The following TMEM11 variants were observed in gnomAD, a reference collection of about 807,000 sequenced individuals.
TMEM11 encodes transmembrane protein 11, mitochondrial.
In TMEM11, 1 loss-of-function variant was observed where a neutral mutation model predicts 17.0. That is an observed-to-expected ratio of 0.06 (90% CI 0.02 to 0.28). The LOEUF is 0.28. Ranked by LOEUF, TMEM11 falls within the 10% of genes least tolerant of loss-of-function variation. The probability of loss-of-function intolerance (pLI) is 1.00; values close to 1 mark genes in which losing one functional copy is unlikely to be tolerated. For synonymous variants in TMEM11, 122 were observed against 118.1 expected (o/e 1.03, Z -0.21); for missense variants, 172 against 252.9 (o/e 0.68, Z 2.17).
Position 21,198,130 on chromosome 17 carries a change from T to G in TMEM11, c.*194A>C. The stretch of plus-strand genomic sequence containing the variant: ...CACAGCCTCAGACCCCCCTCTTGGG[T>G]TATGGAAATCCACATCTTAGTGTAA... On this transcript the variant is annotated 3_prime_UTR_variant, in exon 2 of 2. Transcript: ENST00000317635. This position sits in a 1 kb window ranked among gnomAD's most constrained non-coding sequence, Gnocchi z 6.5. The G allele has an allele frequency of 1.5e-6, 1 of 683,250 alleles. No individual in the cohort carries two copies. The highest frequency in any genetic ancestry group is 2.4e-6 in the Non-Finnish European group (1 of 424,992). 42.3% of individuals were successfully genotyped at this position (683,250 alleles called of 1,614,324 possible). A position where few individuals can be genotyped will look rare whatever the true frequency, so the allele number is the denominator to read the frequency against.
At chr17:21,210,701 C>A (rs1974993474) in intron 1 of TMEM11, among the ~76,000 whole-genome samples, 1 of 152,198 alleles carries the variant, frequency 6.6e-6, no homozygotes, top group Non-Finnish European at 1.5e-5. Flanking sequence ...GCAAGGAAAG[C>A]CATGAAAGTC....
At chr17:21,200,164 C>T (rs753775966) in intron 1 of TMEM11, among the ~76,000 whole-genome samples, 16 of 152,238 alleles carry the variant, frequency 1.1e-4, no homozygotes, top group Non-Finnish European at 1.5e-4. Context: ...CAGCAGTGAC[C>T]GTGGGCCAAG....
chr17:21,209,826 G>T (rs1476437086), intron 1 of TMEM11, among the ~76,000 whole-genome samples: 2 of 152,190 alleles, frequency 1.3e-5, no homozygotes, highest in African/African-American at 2.4e-5. Flanking sequence ...GCTAATGGCT[G>T]CCCTAATGGA....
intron 1 of TMEM11, among the ~76,000 whole-genome samples, chr17:21,209,800 C>T (rs1298875610): frequency 6.6e-6 from 1 of 152,124 alleles, no homozygotes; most frequent in Non-Finnish European, 1.5e-5. Context: ...ACCTCAGTTC[C>T]TCAGAGCCAC....
intron 1 of TMEM11, among the ~76,000 whole-genome samples, chr17:21,212,993 A>G (rs1975018931): frequency 6.6e-6 from 1 of 152,262 alleles, no homozygotes; most frequent in African/African-American, 2.4e-5. Context: ...AGCAAGCTAA[A>G]GGATTCTATC....
rs757380574 is a variant in TMEM11, at chr17:21,198,421, C to T, written c.482G>A (p.Arg161Gln). ...TCTCTTTCTGTGCAGGTCGTCCTTC[C>T]GGACCAGCACCACCGGGGTGGAGGA... ...LTSSTPVVLV[R>Q]KDDLHRKRLH... Residue 161 changes from arginine to glutamine, a missense_variant, in exon 2 of 2, where the codon CGG becomes CAG. Coordinates refer to ENST00000317635, the MANE Select transcript of TMEM11 (RefSeq NM_003876.3). The surrounding 1 kb of genome is among the most constrained non-coding windows in gnomAD (Gnocchi z 6.5). 6 of 1,614,238 alleles carry T rather than the reference C, an allele frequency of 3.7e-6. No homozygotes were observed. Among genetic ancestry groups the T allele is most frequent in the African/African-American group, 1.3e-5 (1 of 75,060 alleles).
intron 1 of TMEM11, among the ~76,000 whole-genome samples, chr17:21,204,378 G>A (rs771846242): frequency 2.0e-5 from 3 of 147,310 alleles, no homozygotes; most frequent in African/African-American, 7.6e-5. Context: ...AGGTTGCAGT[G>A]AGCTGAGATC....
At chr17:21,208,723 C>T (rs955997249) in intron 1 of TMEM11, among the ~76,000 whole-genome samples, 10 of 152,348 alleles carry the variant, frequency 6.6e-5, no homozygotes, top group African/African-American at 1.2e-4. Flanking sequence ...AGGCCTGAAG[C>T]TCCATGAGGG....
At chr17:21,200,405 T>C (rs1202633676) in intron 1 of TMEM11, among the ~76,000 whole-genome samples, 2 of 152,240 alleles carry the variant, frequency 1.3e-5, no homozygotes, top group Non-Finnish European at 2.9e-5. Context: ...AGTCTTTATC[T>C]GGGCCTTGAC....
chr17:21,209,732 G>A (rs903705808), intron 1 of TMEM11, among the ~76,000 whole-genome samples: 13 of 152,300 alleles, frequency 8.5e-5, no homozygotes, highest in African/African-American at 3.1e-4. Context: ...TCATACCACT[G>A]CACTCCAGCC....
chr17:21,198,160 C>A lies in TMEM11; in HGVS notation c.*164G>T, dbSNP rs947948556. ...GAAATCCACATCTTAGTGTAATGAG[C>A]TGAAAAACCCTGGGTACACCCGTGA... On this transcript the variant is annotated 3_prime_UTR_variant, in exon 2 of 2. Transcript: ENST00000317635. The surrounding 1 kb of genome is among the most constrained non-coding windows in gnomAD (Gnocchi z 6.5). 4.5e-6 allele frequency: 4 copies of A among 879,638 alleles called. No individual in the cohort carries two copies. The highest frequency in any genetic ancestry group is 6.8e-6 in the Non-Finnish European group (4 of 590,654). 54.5% of individuals were successfully genotyped at this position (879,638 alleles called of 1,614,324 possible).
Position 21,211,071 on chromosome 17 carries a change from A to C in TMEM11, c.62+3020T>G, listed in dbSNP as rs377735553. The C allele has an allele frequency of 1.7e-4, 218 of 1,289,856 alleles. 3 individuals are homozygous for C. The East Asian group carries it at 4.2e-3, about 25-fold the overall frequency. The allele number at this position is 1,289,856 out of a possible 1,614,324, so 79.9% of individuals were successfully genotyped here. A position where few individuals can be genotyped will look rare whatever the true frequency, so the allele number is the denominator to read the frequency against. ...ACGGTGGCAGAACACAGATACCTGC[A>C]CTGTGCTTTCCTAGATGGGCAAGTG... On this transcript the variant is annotated intron_variant, in intron 1 of 1. Transcript: ENST00000317635.
At chr17:21,207,391 G>A (rs1158764575) in intron 1 of TMEM11, among the ~76,000 whole-genome samples, 7 of 152,024 alleles carry the variant, frequency 4.6e-5, no homozygotes, top group South Asian at 2.1e-4. Flanking sequence ...TTAGCTGGGC[G>A]TGGTGGTGCA....
In TMEM11 at chr17:21,198,796, T is replaced by C; in HGVS notation, c.107A>G (p.Tyr36Cys). The change falls in exon 2 of 2, where the codon TAC becomes TGC. Residue 36 changes from tyrosine to cysteine, a missense_variant. Around this residue, in one of 2 missense-constraint regions of TMEM11, gnomAD observed 123 missense variants for 213.6 expected, o/e 0.58. Coordinates refer to ENST00000317635, the MANE Select transcript of TMEM11 (RefSeq NM_003876.3). This position sits in a 1 kb window ranked among gnomAD's most constrained non-coding sequence, Gnocchi z 6.5. ...ATDCYIVHEI[Y>C]NGENAQDQFE... is the part of the protein sequence containing the mutation. ...CTGGTCTTGGGCATTCTCCCCATTG[T>C]AGATCTCATGCACAATGTAGCAGTC... 6.2e-7 allele frequency: 1 copy of C among 1,613,950 alleles called. No homozygotes were observed.
intron 1 of TMEM11, among the ~76,000 whole-genome samples, chr17:21,203,786 G>A (rs1385789710): frequency 1.3e-5 from 2 of 151,688 alleles, no homozygotes; most frequent in African/African-American, 2.4e-5. Flanking sequence ...GCAGCCACCC[G>A]TATATGGCTT....
intron 1 of TMEM11, among the ~76,000 whole-genome samples, chr17:21,199,295 C>G (rs1974855606): frequency 7.7e-6 from 1 of 130,418 alleles, no homozygotes; most frequent in Admixed American, 8.8e-5. Flanking sequence ...CCATTGCACT[C>G]CAGCCTGGGT....
At chr17:21,212,801 T>A (rs2144314521) in intron 1 of TMEM11, among the ~76,000 whole-genome samples, 1 of 152,380 alleles carries the variant, frequency 6.6e-6, no homozygotes, top group East Asian at 1.9e-4. Context: ...GCATTGAATA[T>A]CTTGAAAATG....
chr17:21,200,033 C>A (rs1312992994), intron 1 of TMEM11, among the ~76,000 whole-genome samples: 1 of 152,222 alleles, frequency 6.6e-6, no homozygotes, highest in Non-Finnish European at 1.5e-5. Context: ...GGAGACCACA[C>A]AAGGGGCTTT....
At chr17:21,201,837 G>A (rs1222431516) in intron 1 of TMEM11, among the ~76,000 whole-genome samples, 1 of 152,164 alleles carries the variant, frequency 6.6e-6, no homozygotes, top group Non-Finnish European at 1.5e-5. Context: ...ATGCCATGTT[G>A]CCCAGGCTGG....
Sources: allele counts gnomAD v4.1 joint callset (sites outside exome capture counted in the v4.1 genomes callset), GRCh38; gene constraint gnomAD v4.1.1; regional missense constraint gnomAD v4.1.1; non-coding constraint Gnocchi (gnomAD v3.1); transcripts MANE v1.5; gene names NCBI Gene and HGNC (gene_info 2026-07-23, HGNC 2026-07-21).